RIN3: variants seen among roughly 807,000 people sequenced by gnomAD.
The protein encoded by RIN3 is RAB5 interacting protein 3.
RIN3 carries 54 observed loss-of-function variants against 76.3 expected under a neutral mutation model. The observed-to-expected ratio is 0.71, with a 90% CI of 0.57 to 0.89. The LOEUF is 0.89. Among genes scored for constraint, RIN3 ranks in the 40% least tolerant of loss-of-function variants. The pLI is 0.00. For synonymous variants in RIN3, 576 were observed against 564.0 expected (o/e 1.02, Z -0.30); for missense variants, 1,256 against 1,322.1 (o/e 0.95, Z 0.78).
At chr14:92,663,419 G>C (rs186772983) in intron 7 of RIN3, among the ~76,000 whole-genome samples, 2 of 152,340 alleles carry the variant, frequency 1.3e-5, no homozygotes, top group East Asian at 3.9e-4. Context: ...GGTGCTTGCT[G>C]CTTTCTATCC....
intron 1 of RIN3, among the ~76,000 whole-genome samples, chr14:92,547,221 A>T: frequency 2.1e-5 from 1 of 47,118 alleles, no homozygotes; most frequent in Non-Finnish European, 3.8e-5. Flanking sequence ...ATTATTATAA[A>T]ATAAATTATC....
At chr14:92,561,506 T>A (rs1318991121) in intron 2 of RIN3, among the ~76,000 whole-genome samples, 1 of 151,838 alleles carries the variant, frequency 6.6e-6, no homozygotes, top group Non-Finnish European at 1.5e-5. Context: ...TTTTTTTTTA[T>A]TTTAGAATAG....
In RIN3 at chr14:92,648,095, T is replaced by TC. The variant is rs1411423462; in HGVS notation, c.533-3487_533-3486insC. 6.6e-6 allele frequency among the ~76,000 whole-genome samples: 1 copy of TC among 151,330 alleles called. No individual in the cohort carries two copies. The highest frequency in any genetic ancestry group is 1.5e-5 in the Non-Finnish European group (1 of 67,696). Reference sequence around the variant, plus strand: ...AGAGAAAGTTACTCATTTCCCTTTTTTTTTTTTTTTTGGAGCATAAAGCCC... The same window carrying TC: ...AGAGAAAGTTACTCATTTCCCTTTTTCTTTTTTTTTTTGGAGCATAAAGCCC... On this transcript the variant is annotated intron_variant, in intron 5 of 9. Transcript: ENST00000216487. The surrounding 1 kb of genome is among the most constrained non-coding windows in gnomAD (Gnocchi z 4.1).
rs1018712988 is a variant in RIN3 at position 92,643,303 on chromosome 14, C to T, written c.532+1974C>T. On this transcript the variant is annotated intron_variant, in intron 5 of 9. Coordinates refer to ENST00000216487, the MANE Select transcript of RIN3 (RefSeq NM_024832.5). The surrounding 1 kb of genome is among the most constrained non-coding windows in gnomAD (Gnocchi z 4.8). ...TCCTGACCTCATGATCCACCCACCTCGGCCTCCCAAAGTGCTGGGATTACA... is the reference window on the plus strand; with the variant it reads ...TCCTGACCTCATGATCCACCCACCTTGGCCTCCCAAAGTGCTGGGATTACA... Among the ~76,000 whole-genome samples the T allele has an allele frequency of 2.6e-5, 4 of 152,132 alleles. No homozygotes were observed. The highest frequency in any genetic ancestry group is 6.5e-5 in the Admixed American group (1 of 15,272).
At chr14:92,665,617 A>G (rs759408170) in intron 7 of RIN3, among the ~76,000 whole-genome samples, 13 of 151,788 alleles carry the variant, frequency 8.6e-5, no homozygotes, top group Middle Eastern at 3.2e-3. Context: ...TCCTGACCTC[A>G]TGATCCACCC....
At chr14:92,598,372 T>C (rs2140085213) in intron 3 of RIN3, among the ~76,000 whole-genome samples, 2 of 152,342 alleles carry the variant, frequency 1.3e-5, no homozygotes, top group Non-Finnish European at 2.9e-5. Context: ...TACCACTAAG[T>C]GCCCTAGTCA....
chr14:92,532,852 A>G (rs958278169), intron 1 of RIN3, among the ~76,000 whole-genome samples: 12 of 152,162 alleles, frequency 7.9e-5, no homozygotes, highest in African/African-American at 2.4e-4. Context: ...GGAAGTGGGC[A>G]TGGGAGTTGG....
rs1478361286 is a variant in RIN3, at chr14:92,651,775, C to T, written c.726C>T (p.Asp242=). 3 of 1,614,026 alleles carry T rather than the reference C, an allele frequency of 1.9e-6. No individual in the cohort carries two copies. Among genetic ancestry groups the T allele is most frequent in the Admixed American group, 1.7e-5 (1 of 60,010 alleles). The change falls in exon 6 of 10, where the codon GAC becomes GAT. Residue 242 remains aspartate (D), a synonymous_variant. Transcript: ENST00000216487. ...LWFVNPIFIE[D]CSSALPTDQP... ...TTGTGAATCCTATTTTCATCGAGGA[C>T]TGCAGCAGCGCCCTGCCCACCGACC...
At chr14:92,590,812 A>C (rs1235380218) in intron 3 of RIN3, among the ~76,000 whole-genome samples, 1 of 152,176 alleles carries the variant, frequency 6.6e-6, no homozygotes, top group East Asian at 1.9e-4. Flanking sequence ...GCTCAGTGAA[A>C]GACTGAGACT....
intron 1 of RIN3, among the ~76,000 whole-genome samples, chr14:92,540,506 A>G (rs1897109561): frequency 6.6e-6 from 1 of 152,144 alleles, no homozygotes; most frequent in Non-Finnish European, 1.5e-5. Flanking sequence ...GCATTTGTTG[A>G]GTGTTTGTGC....
chr14:92,543,165 T>C (rs1322597439), intron 1 of RIN3, among the ~76,000 whole-genome samples: 1 of 151,992 alleles, frequency 6.6e-6, no homozygotes, highest in African/African-American at 2.4e-5. Flanking sequence ...TCTGGGTTGC[T>C]GTGTGGAAGC....
At chr14:92,631,636 C>G (rs1167173162) in intron 4 of RIN3, among the ~76,000 whole-genome samples, 1 of 151,930 alleles carries the variant, frequency 6.6e-6, no homozygotes, top group African/African-American at 2.4e-5. Context: ...GAGTCTCACT[C>G]TGTCACCAGG....
chr14:92,572,576 C>T (rs530853225), intron 2 of RIN3, among the ~76,000 whole-genome samples: 1 of 152,332 alleles, frequency 6.6e-6, no homozygotes, highest in East Asian at 1.9e-4. Flanking sequence ...GGGGACTCTC[C>T]TGCCCTGCTG....
intron 1 of RIN3, among the ~76,000 whole-genome samples, chr14:92,555,520 A>G (rs909655587): frequency 4.6e-5 from 7 of 152,278 alleles, no homozygotes; most frequent in African/African-American, 1.4e-4. Context: ...ATTCCAGAAA[A>G]GGAGGAACAA....
chr14:92,622,655 T>C (rs4904958), intron 4 of RIN3, among the ~76,000 whole-genome samples: 126,671 of 152,186 alleles, frequency 0.83, 53,153 homozygotes, highest in Middle Eastern at 0.91. Context: ...GACCGCACAA[T>C]CTAGGCTAAT....
intron 1 of RIN3, among the ~76,000 whole-genome samples, chr14:92,517,465 C>T (rs1408570860): frequency 6.6e-6 from 1 of 152,106 alleles, no homozygotes; most frequent in Non-Finnish European, 1.5e-5. Context: ...TCAGAAAGAG[C>T]CTTAACATGG....
rs1555388278 is a variant in RIN3, at chr14:92,614,799, T to TTTTA, written c.368-607_368-606insTTAT. Among the ~76,000 whole-genome samples, 857 of 103,364 alleles carry TTTTA rather than the reference T, an allele frequency of 8.3e-3. 12 individuals are homozygous for TTTTA. Among genetic ancestry groups the TTTTA allele is most frequent in the African/African-American group, 0.032 (670 of 20,888 alleles). The allele number at this position is 103,364 out of a possible 152,430, so 67.8% of individuals were successfully genotyped here. ...AGAACTGTGAGTCCATTAAACCTCT[T>TTTTA]TATATATATATATATATATATAAAT... is the stretch of plus-strand genomic sequence containing the variant. On this transcript the variant is annotated intron_variant, in intron 3 of 9. Transcript: ENST00000216487.
chr14:92,603,567 C>T (rs1201860833), intron 3 of RIN3, among the ~76,000 whole-genome samples: 1 of 152,206 alleles, frequency 6.6e-6, no homozygotes, highest in Non-Finnish European at 1.5e-5. Flanking sequence ...GACCCAGGGG[C>T]CTGTGCCCGG....
At chr14:92,678,372 A>G (rs1595506369) in intron 8 of RIN3, among the ~76,000 whole-genome samples, 1 of 148,826 alleles carries the variant, frequency 6.7e-6, no homozygotes, top group East Asian at 2.0e-4. Flanking sequence ...CCCCCTACCC[A>G]TCCACTTATT....
Sources: allele counts gnomAD v4.1 joint callset (sites outside exome capture counted in the v4.1 genomes callset), GRCh38; gene constraint gnomAD v4.1.1; non-coding constraint Gnocchi (gnomAD v3.1); transcripts MANE v1.5; gene names NCBI Gene and HGNC (gene_info 2026-07-23, HGNC 2026-07-21).